Variants in FBXL17 observed in about 807,000 individuals in gnomAD.
FBXL17 encodes F-box and leucine rich repeat protein 17.
A neutral mutation model predicts 66.2 loss-of-function variants in FBXL17; 22 were observed. The ratio of observed to expected loss-of-function variants is 0.33; its 90% CI spans 0.24 to 0.47. FBXL17 has a LOEUF of 0.47. Ranked by LOEUF, FBXL17 falls within the 20% of genes least tolerant of loss-of-function variation. FBXL17 has a pLI of 1.00. For missense variants in FBXL17, 878 were observed against 948.2 expected, an observed-to-expected ratio of 0.93 and a Z score of 0.97; for synonymous variants, 474 against 400.5, an observed-to-expected ratio of 1.18 and a Z score of -2.19.
intron 7 of FBXL17, among the ~76,000 whole-genome samples, chr5:107,983,359 T>A (rs1472160217): frequency 1.3e-5 from 2 of 148,352 alleles, no homozygotes; most frequent in Non-Finnish European, 1.5e-5. Flanking sequence ...GCCCAGCTAA[T>A]TTTTTTTTTT....
Position 108,381,161 on chromosome 5 carries a change from C to A in FBXL17, c.531G>T (p.Gln177His). 1 of 1,422,784 alleles carries A rather than the reference C, an allele frequency of 7.0e-7. No homozygotes were observed. Among genetic ancestry groups the A allele is most frequent in the Non-Finnish European group, 9.2e-7 (1 of 1,090,064 alleles). 88.1% of individuals were successfully genotyped at this position (1,422,784 alleles called of 1,614,324 possible). A position where few individuals can be genotyped will look rare whatever the true frequency, so the allele number is the denominator to read the frequency against. Reference protein sequence around the residue: ...VRFLGPPAAVQLFRGPTPSPA... With the variant: ...VRFLGPPAAVHLFRGPTPSPA... ...GTGACGGTGTCGGCCCCCGGAAGAG[C>A]TGCACGGCGGCGGGCGGCCCCAGGA... Residue 177 changes from glutamine (Q) to histidine (H), a missense_variant, in exon 1 of 9, where the codon CAG (glutamine) becomes CAT (histidine). Coordinates refer to ENST00000542267, the MANE Select transcript of FBXL17 (RefSeq NM_001163315.3).
intron 7 of FBXL17, among the ~76,000 whole-genome samples, chr5:107,919,807 T>A (rs111985504): frequency 4.6e-5 from 7 of 152,220 alleles, no homozygotes; most frequent in Non-Finnish European, 1.0e-4. Context: ...CTGCCCTGCA[T>A]CATTTTTCTC....
At chr5:108,011,583 C>T (rs1754171847) in intron 7 of FBXL17, among the ~76,000 whole-genome samples, 1 of 152,008 alleles carries the variant, frequency 6.6e-6, no homozygotes, top group African/African-American at 2.4e-5. Context: ...GCGTACAGGT[C>T]ACTTGAGGTC....
At chr5:108,229,588 A>AT (rs1755240194) in intron 4 of FBXL17, among the ~76,000 whole-genome samples, 1 of 152,206 alleles carries the variant, frequency 6.6e-6, no homozygotes, top group African/African-American at 2.4e-5. Context: ...AAGGACTTAA[A>AT]TCTAAGACCT....
intron 5 of FBXL17, among the ~76,000 whole-genome samples, chr5:108,190,977 T>G (rs1322046824): frequency 6.6e-6 from 1 of 152,310 alleles, no homozygotes; most frequent in African/African-American, 2.4e-5. Context: ...AGCAGCCCCA[T>G]GTTGGTATCA....
chr5:107,949,097 G>GTGTAAC (rs1751409938), intron 7 of FBXL17, among the ~76,000 whole-genome samples: 1 of 151,498 alleles, frequency 6.6e-6, no homozygotes, highest in African/African-American at 2.4e-5. Context: ...TTCACAGTTA[G>GTGTAAC]TGTGAAAAGA....
chr5:108,201,207 C>T (rs1753881047), intron 5 of FBXL17, among the ~76,000 whole-genome samples: 1 of 152,106 alleles, frequency 6.6e-6, no homozygotes, highest in Non-Finnish European at 1.5e-5. Context: ...AGAACACTTT[C>T]GTTCATCAGT....
chr5:108,196,699 C>A (rs910703427), intron 5 of FBXL17, among the ~76,000 whole-genome samples: 2 of 152,128 alleles, frequency 1.3e-5, no homozygotes, highest in African/African-American at 4.8e-5. Context: ...TCTCTTAACT[C>A]CATCAAATGC....
intron 1 of FBXL17, among the ~76,000 whole-genome samples, chr5:108,370,343 T>C (rs1748947590): frequency 6.6e-6 from 1 of 152,310 alleles, no homozygotes; most frequent in South Asian, 2.1e-4. Flanking sequence ...GTTGTAAACA[T>C]ATAAGCTAGA....
At chr5:107,870,670 C>G (rs1338795746) in intron 8 of FBXL17, among the ~76,000 whole-genome samples, 1 of 151,834 alleles carries the variant, frequency 6.6e-6, no homozygotes, top group African/African-American at 2.4e-5. Context: ...ACTGCAACCT[C>G]CGCCTCCTGG....
At chr5:107,954,888 A>G (rs1192518876) in intron 7 of FBXL17, among the ~76,000 whole-genome samples, 2 of 152,210 alleles carry the variant, frequency 1.3e-5, no homozygotes, top group East Asian at 1.9e-4. Flanking sequence ...ATAGGTTGCA[A>G]AATTTCTATT....
chr5:108,113,921 A>C (rs771419409), intron 6 of FBXL17, among the ~76,000 whole-genome samples: 25 of 152,182 alleles, frequency 1.6e-4, no homozygotes, highest in Non-Finnish European at 3.1e-4. Flanking sequence ...ATCAGAATTA[A>C]GGCATAATTA....
intron 7 of FBXL17, among the ~76,000 whole-genome samples, chr5:107,959,452 C>T (rs910144338): frequency 6.6e-6 from 1 of 150,776 alleles, no homozygotes; most frequent in African/African-American, 2.5e-5. Flanking sequence ...TGTTTTATTT[C>T]TGTACATATG....
chr5:107,876,307 C>G (rs903447503), intron 8 of FBXL17, among the ~76,000 whole-genome samples: 7 of 152,162 alleles, frequency 4.6e-5, no homozygotes, highest in African/African-American at 1.4e-4. Flanking sequence ...ACCCCAGACG[C>G]TGGCATTTTC....
At chr5:107,931,045 C>T (rs1750716711) in intron 7 of FBXL17, among the ~76,000 whole-genome samples, 2 of 151,996 alleles carry the variant, frequency 1.3e-5, no homozygotes, top group African/African-American at 2.4e-5. Flanking sequence ...TGAACTATCA[C>T]TTTTGGTTGT....
chr5:108,227,228 G>T (rs1755139143), intron 4 of FBXL17, among the ~76,000 whole-genome samples: 1 of 152,142 alleles, frequency 6.6e-6, no homozygotes, highest in Non-Finnish European at 1.5e-5. Flanking sequence ...TCTTAAGCAT[G>T]TGAAAACTTG....
At chr5:107,910,717 T>G (rs1237411300) in intron 7 of FBXL17, among the ~76,000 whole-genome samples, 9 of 152,062 alleles carry the variant, frequency 5.9e-5, no homozygotes, top group Admixed American at 5.9e-4. Flanking sequence ...TGTTAGCTAG[T>G]TACAAGATCC....
intron 5 of FBXL17, among the ~76,000 whole-genome samples, chr5:108,213,149 C>G (rs563505360): frequency 4.0e-4 from 61 of 152,244 alleles, no homozygotes; most frequent in African/African-American, 5.1e-4. Flanking sequence ...GACCCTCCCC[C>G]TACCGAGCTT....
chr5:108,216,010 G>A (rs1311232230), intron 5 of FBXL17, among the ~76,000 whole-genome samples: 1 of 152,178 alleles, frequency 6.6e-6, no homozygotes, highest in Non-Finnish European at 1.5e-5. Flanking sequence ...ACATAGATGT[G>A]TGAGTTTATT....
Sources: gnomAD v4.1 joint callset for allele counts (sites outside exome capture counted in the v4.1 genomes callset) on GRCh38, gnomAD v4.1.1 for gene constraint, MANE v1.5 for transcripts, NCBI Gene and HGNC (gene_info 2026-07-23, HGNC 2026-07-21) for gene names.